Variants in FAM110B observed in about 807,000 individuals in gnomAD.
The protein encoded by FAM110B is protein FAM110B.
Under a neutral mutation model 20.4 loss-of-function variants are expected in FAM110B, and 6 were observed. The ratio of observed to expected loss-of-function variants is 0.29; its 90% CI spans 0.16 to 0.58. The LOEUF (loss-of-function observed/expected upper bound fraction) is 0.58, where lower values mean the gene tolerates loss of function less well. FAM110B is among the 20% of genes least tolerant of loss of function. The pLI is 0.90. For synonymous variants in FAM110B, 226 were observed against 214.1 expected (o/e 1.06, Z -0.49); for missense variants, 434 against 498.2 (o/e 0.87, Z 1.23).
intron 3 of FAM110B, among the ~76,000 whole-genome samples, chr8:58,137,377 T>A (rs1242095006): frequency 6.6e-6 from 1 of 152,130 alleles, no homozygotes; most frequent in Non-Finnish European, 1.5e-5. Flanking sequence ...CTGGCCAACA[T>A]GGTAAAACCC....
At chr8:57,999,789 C>T (rs947017657) in intron 1 of FAM110B, among the ~76,000 whole-genome samples, 7 of 151,772 alleles carry the variant, frequency 4.6e-5, no homozygotes, top group Admixed American at 6.6e-5. Flanking sequence ...TAAGTGCAGT[C>T]GAGAATGGGG....
intron 1 of FAM110B, 50 bp from the exon 2 acceptor site, chr8:58,031,556 T>C (rs1299805165): frequency 6.6e-6 from 1 of 152,240 alleles, no homozygotes; most frequent in Non-Finnish European, 1.5e-5. Context: ...TACCTTTTAA[T>C]CACTTTTATT....
chr8:58,014,416 C>T (rs139668980), intron 1 of FAM110B, among the ~76,000 whole-genome samples: 329 of 152,292 alleles, frequency 2.2e-3, no homozygotes, highest in African/African-American at 7.4e-3. Context: ...TCTGCATTTT[C>T]GCCAAGTTCC....
intron 3 of FAM110B, among the ~76,000 whole-genome samples, chr8:58,122,515 A>G (rs965752790): frequency 6.6e-6 from 1 of 151,742 alleles, no homozygotes; most frequent in South Asian, 2.1e-4. Context: ...AACTTTTGTC[A>G]TTTTACTTTC....
intron 3 of FAM110B, among the ~76,000 whole-genome samples, chr8:58,078,741 G>A (rs939477522): frequency 6.6e-6 from 1 of 151,642 alleles, no homozygotes; most frequent in Non-Finnish European, 1.5e-5. Flanking sequence ...TAGTAGAGAC[G>A]GGGTTTCACC....
chr8:58,080,703 A>G (rs1806166167), intron 3 of FAM110B, among the ~76,000 whole-genome samples: 2 of 152,308 alleles, frequency 1.3e-5, no homozygotes, highest in African/African-American at 2.4e-5. Context: ...TTCTGGTATC[A>G]TGTGTGTGTA....
At chr8:58,091,720 A>T (rs1257252419) in intron 3 of FAM110B, 3 of 152,138 alleles carry the variant, frequency 2.0e-5, no homozygotes, top group African/African-American at 7.2e-5. Flanking sequence ...GATCCTACTG[A>T]AACTCATTTT....
intron 1 of FAM110B, among the ~76,000 whole-genome samples, chr8:58,018,320 T>C (rs1804678375): frequency 6.6e-6 from 1 of 152,188 alleles, no homozygotes; most frequent in Non-Finnish European, 1.5e-5. Flanking sequence ...TTATAATAAT[T>C]GACTCTTTGA....
chr8:58,089,719 GAGTT>G (rs1413091777), intron 3 of FAM110B, among the ~76,000 whole-genome samples: 1 of 152,166 alleles, frequency 6.6e-6, no homozygotes, highest in African/African-American at 2.4e-5. Flanking sequence ...TTTTACTTCT[GAGTT>G]AGTTATTGTA....
intron 3 of FAM110B, among the ~76,000 whole-genome samples, chr8:58,103,514 ATG>A (rs1292862653): frequency 2.6e-5 from 4 of 152,078 alleles, no homozygotes; most frequent in African/African-American, 9.7e-5. Context: ...ATCATTTTTT[ATG>A]TGTTTCTATA....
intron 3 of FAM110B, among the ~76,000 whole-genome samples, chr8:58,088,728 G>C (rs1208915902): frequency 6.6e-6 from 1 of 152,150 alleles, no homozygotes. Context: ...GGGTGGAGGA[G>C]TTCTAACTGC....
At chr8:58,093,102 G>A (rs1289248649) in intron 3 of FAM110B, among the ~76,000 whole-genome samples, 1 of 151,566 alleles carries the variant, frequency 6.6e-6, no homozygotes, top group East Asian at 1.9e-4. Context: ...TCGTTTGTGG[G>A]TTTTTTTTGT....
intron 3 of FAM110B, among the ~76,000 whole-genome samples, chr8:58,145,368 C>T (rs1803837276): frequency 6.6e-6 from 1 of 151,194 alleles, no homozygotes; most frequent in Non-Finnish European, 1.5e-5. Flanking sequence ...CATTTCTTGC[C>T]CTTTTCAGTT....
chr8:58,122,864 G>A (rs151074799), intron 3 of FAM110B, among the ~76,000 whole-genome samples: 47 of 152,284 alleles, frequency 3.1e-4, no homozygotes, highest in East Asian at 2.1e-3. Context: ...GAATCTCAGC[G>A]TGGAGGTGGG....
At chr8:58,087,262 C>CCTT (rs1187571871) in intron 3 of FAM110B, among the ~76,000 whole-genome samples, 5 of 152,202 alleles carry the variant, frequency 3.3e-5, no homozygotes, top group Admixed American at 2.6e-4. Context: ...CTGTGCGTCA[C>CCTT]CTTCTACCTT....
intron 3 of FAM110B, among the ~76,000 whole-genome samples, chr8:58,114,889 C>G (rs1807160033): frequency 6.6e-6 from 1 of 152,186 alleles, no homozygotes; most frequent in Admixed American, 6.5e-5. Context: ...CAAGTTATCT[C>G]AGCCCCGTGT....
At chr8:58,049,793 GCTCA>G (rs1389888252) in intron 2 of FAM110B, among the ~76,000 whole-genome samples, 1 of 152,110 alleles carries the variant, frequency 6.6e-6, no homozygotes, top group Admixed American at 6.6e-5. Context: ...GTAAGTTAAT[GCTCA>G]CTCTTAAGTA....
chr8:58,002,073 T>C (rs1417881068), intron 1 of FAM110B, among the ~76,000 whole-genome samples: 1 of 152,032 alleles, frequency 6.6e-6, no homozygotes, highest in Non-Finnish European at 1.5e-5. Flanking sequence ...AATTCAATCT[T>C]TCTTCACCTT....
chr8:58,047,784 G>C (rs1192106799), intron 2 of FAM110B, among the ~76,000 whole-genome samples: 1 of 151,924 alleles, frequency 6.6e-6, no homozygotes, highest in Non-Finnish European at 1.5e-5. Context: ...CTTTTTCTGG[G>C]CTATTCAGTG....
Sources: allele counts gnomAD v4.1 joint callset (sites outside exome capture counted in the v4.1 genomes callset), GRCh38; gene constraint gnomAD v4.1.1; transcripts MANE v1.5; gene names NCBI Gene and HGNC (gene_info 2026-07-23, HGNC 2026-07-21).